RNGTT: variants seen among roughly 807,000 people sequenced by gnomAD.
The protein encoded by RNGTT is RNA guanylyltransferase and 5'-phosphatase.
A neutral mutation model predicts 79.3 loss-of-function variants in RNGTT; 33 were observed. That is an observed-to-expected ratio of 0.42 (90% CI 0.32 to 0.56). RNGTT has a LOEUF of 0.56. Among genes scored for constraint, RNGTT ranks in the 20% least tolerant of loss-of-function variants. The probability of loss-of-function intolerance (pLI) is 0.17; values close to 1 mark genes in which losing one functional copy is unlikely to be tolerated. For missense variants in RNGTT, 497 were observed against 739.1 expected (o/e 0.67, Z 3.80); for synonymous variants, 222 against 235.9 (o/e 0.94, Z 0.54).
rs1713923249 is a variant in RNGTT, at chr6:88,890,568, A to G, written c.823T>C (p.Ser275Pro). 3 of 1,613,726 alleles carry G rather than the reference A, an allele frequency of 1.9e-6. No homozygotes were observed. The highest frequency in any genetic ancestry group is 2.5e-6 in the Non-Finnish European group (3 of 1,179,748). ...AGTTTAATATTTTGCTTGTCCATGG[A>G]AACAGGCTGTGCTCCAGGGAATCCA... Reference protein sequence around the residue: ...GSGFPGAQPVSMDKQNIKLLD... With the variant: ...GSGFPGAQPVPMDKQNIKLLD... Residue 275 changes from serine to proline, a missense_variant, in exon 8 of 16, where the codon TCC becomes CCC. By Grantham distance (74) the Ser-to-Pro change is moderately conservative. Around this residue, in one of 3 missense-constraint regions of RNGTT, gnomAD observed 440 missense variants for 671.5 expected, o/e 0.66. Coordinates refer to ENST00000369485, the MANE Select transcript of RNGTT (RefSeq NM_003800.5).
chr6:88,882,700 G>A (rs2127928675), intron 8 of RNGTT, among the ~76,000 whole-genome samples: 1 of 152,316 alleles, frequency 6.6e-6, no homozygotes, highest in East Asian at 1.9e-4. Flanking sequence ...CTGCCCTCAT[G>A]CATGGGATTA....
chr6:88,803,576 CAAAAAAA>C (rs146140117), intron 11 of RNGTT, among the ~76,000 whole-genome samples: 1 of 56,140 alleles, frequency 1.8e-5, no homozygotes, highest in Non-Finnish European at 3.5e-5. Flanking sequence ...GACTCCATCT[CAAAAAAA>C]AAAAAAAAAA....
intron 14 of RNGTT, among the ~76,000 whole-genome samples, chr6:88,669,596 T>C (rs1430507651): frequency 6.6e-6 from 1 of 152,222 alleles, no homozygotes; most frequent in East Asian, 1.9e-4. Flanking sequence ...ACCCATTTAG[T>C]AAGTTTACTA....
At chr6:88,738,449 A>G (rs1777356547) in intron 13 of RNGTT, among the ~76,000 whole-genome samples, 1 of 152,130 alleles carries the variant, frequency 6.6e-6, no homozygotes, top group South Asian at 2.1e-4. Context: ...TAACACACCA[A>G]GTCTGGCAAA....
chr6:88,786,132 T>G lies in RNGTT; in HGVS notation c.1338+15432A>C, dbSNP rs560415450. Among the ~76,000 whole-genome samples, 371 of 152,264 alleles carry G rather than the reference T, an allele frequency of 2.4e-3. 4 individuals are homozygous for G. Among genetic ancestry groups the G allele is most frequent in the Middle Eastern group, 0.011 (3 of 284 alleles). ...TTCAAGATTTTTATTCTTACTTCAA[T>G]TATACAATCCACTATTCTGTTTTTA... On this transcript the variant is annotated intron_variant, in intron 12 of 15. Transcript: ENST00000369485.
chr6:88,799,742 G>C (rs1195811399), intron 12 of RNGTT, among the ~76,000 whole-genome samples: 3 of 149,760 alleles, frequency 2.0e-5, no homozygotes. Context: ...ACTAGAAAGG[G>C]AACGGAATGA....
intron 14 of RNGTT, among the ~76,000 whole-genome samples, chr6:88,671,622 T>C (rs958386278): frequency 2.6e-5 from 4 of 151,392 alleles, no homozygotes; most frequent in Non-Finnish European, 5.9e-5. Context: ...TCATATGGAA[T>C]AAAAAAAAGA....
At chr6:88,710,825 C>T (rs1276277691) in intron 13 of RNGTT, among the ~76,000 whole-genome samples, 1 of 151,968 alleles carries the variant, frequency 6.6e-6, no homozygotes, top group East Asian at 1.9e-4. Context: ...AAATTGTAAA[C>T]CAAGAAACAT....
intron 14 of RNGTT, among the ~76,000 whole-genome samples, chr6:88,667,619 C>T (rs1774466110): frequency 6.6e-6 from 1 of 152,108 alleles, no homozygotes; most frequent in Admixed American, 6.5e-5. Context: ...ACTGAGAAAG[C>T]TCGTGAAGTA....
At chr6:88,692,453 CAA>C (rs71754733) in intron 13 of RNGTT, among the ~76,000 whole-genome samples, 7 of 133,254 alleles carry the variant, frequency 5.3e-5, no homozygotes, top group African/African-American at 8.2e-5. Context: ...TAATACTCAG[CAA>C]AAAAAAAAAG....
intron 12 of RNGTT, among the ~76,000 whole-genome samples, chr6:88,801,208 T>TA (rs1230254681): frequency 2.0e-5 from 3 of 152,304 alleles, no homozygotes; most frequent in Admixed American, 6.5e-5. Flanking sequence ...CATAAAAGTA[T>TA]ACCAAGTTAC....
At chr6:88,648,471 T>A (rs1014860216) in intron 14 of RNGTT, among the ~76,000 whole-genome samples, 38 of 147,068 alleles carry the variant, frequency 2.6e-4, no homozygotes, top group African/African-American at 7.3e-4. Context: ...CTTAAAGTAT[T>A]ATAATAATAA....
chr6:88,686,452 A>C (rs953877860), intron 13 of RNGTT, among the ~76,000 whole-genome samples: 7 of 150,070 alleles, frequency 4.7e-5, no homozygotes, highest in African/African-American at 1.8e-4. Context: ...GGAAAAGCAA[A>C]ACAACAAAAA....
At chr6:88,702,083 A>G (rs969075936) in intron 13 of RNGTT, among the ~76,000 whole-genome samples, 1 of 151,772 alleles carries the variant, frequency 6.6e-6, no homozygotes, top group Non-Finnish European at 1.5e-5. Context: ...AAACAAATAG[A>G]AAACATTCCA....
At chr6:88,899,483 GC>G in intron 6 of RNGTT, among the ~76,000 whole-genome samples, 1 of 152,046 alleles carries the variant, frequency 6.6e-6, no homozygotes, top group East Asian at 1.9e-4. Context: ...TCACTACGTT[GC>G]CCAGGCTAGT....
In RNGTT at chr6:88,901,239, G is replaced by C. The variant is rs193187004; in HGVS notation, c.684+3476C>G. ...ATAGATCTGAAACAATACTTAAAAA[G>C]ATAACAGCCAAAAATTGTCTAAAAC... On this transcript the variant is annotated intron_variant, in intron 6 of 15. Transcript: ENST00000369485. Among the ~76,000 whole-genome samples the C allele has an allele frequency of 3.2e-4, 49 of 151,568 alleles. 1 individual carries two copies. The East Asian group carries it at 9.1e-3, about 28-fold the overall frequency.
intron 8 of RNGTT, among the ~76,000 whole-genome samples, chr6:88,886,178 C>T (rs1442153553): frequency 6.6e-6 from 1 of 152,044 alleles, no homozygotes; most frequent in Non-Finnish European, 1.5e-5. Context: ...AGGTGGTGGG[C>T]GCCTGTAGTC....
intron 14 of RNGTT, among the ~76,000 whole-genome samples, chr6:88,675,566 G>C (rs142998771): frequency 3.5e-3 from 528 of 152,126 alleles, no homozygotes; most frequent in African/African-American, 0.012. Context: ...GCAATAAAAG[G>C]CATCAAGATC....
chr6:88,823,686 T>C (rs542352637), intron 11 of RNGTT, among the ~76,000 whole-genome samples: 21 of 152,278 alleles, frequency 1.4e-4, no homozygotes, highest in African/African-American at 4.1e-4. Context: ...TGAATTAATA[T>C]GTGTTAGAGC....
Sources: allele counts gnomAD v4.1 joint callset (sites outside exome capture counted in the v4.1 genomes callset), GRCh38; gene constraint gnomAD v4.1.1; regional missense constraint gnomAD v4.1.1; transcripts MANE v1.5; gene names NCBI Gene and HGNC (gene_info 2026-07-23, HGNC 2026-07-21).